The following ALOX5 variants were observed in gnomAD, a reference collection of about 807,000 sequenced individuals.
ALOX5 encodes the protein arachidonate 5-lipoxygenase.
Under a neutral mutation model 87.9 loss-of-function variants are expected in ALOX5, and 64 were observed. The ratio of observed to expected loss-of-function variants is 0.73; its 90% CI spans 0.60 to 0.90. The LOEUF (loss-of-function observed/expected upper bound fraction) is 0.90, where lower values mean the gene tolerates loss of function less well. Ranked by LOEUF, ALOX5 falls within the 40% of genes least tolerant of loss-of-function variation. The probability of loss-of-function intolerance (pLI) is 0.00; values close to 1 mark genes in which losing one functional copy is unlikely to be tolerated. For missense variants in ALOX5, 822 were observed against 907.5 expected, an observed-to-expected ratio of 0.91 and a Z score of 1.21; for synonymous variants, 388 against 355.1, an observed-to-expected ratio of 1.09 and a Z score of -1.04.
At chr10:45,394,161 A>G (rs1441112936) in intron 2 of ALOX5, among the ~76,000 whole-genome samples, 1 of 152,252 alleles carries the variant, frequency 6.6e-6, no homozygotes, top group Non-Finnish European at 1.5e-5. Context: ...ATCCTAAGCC[A>G]AAAGAACAAA....
At chr10:45,443,930 G>A in intron 12 of ALOX5, 102 bp downstream of exon 12, 1 of 1,458,758 alleles carries the variant, frequency 6.9e-7, no homozygotes, top group Admixed American at 2.2e-5. Flanking sequence ...GACAGCCTCG[G>A]GGCCTGGCAC....
At position 45,404,078 on chromosome 10, in the gene ALOX5, A is replaced by G. The variant is rs370542395; in HGVS notation, c.432-8113A>G. Reference sequence around the variant, plus strand: ...ATCTAAGATAACACAAACTAGCCCAATTATCTGGGAGCTACTTAACATTAT... The same window carrying G: ...ATCTAAGATAACACAAACTAGCCCAGTTATCTGGGAGCTACTTAACATTAT... On this transcript the variant is annotated intron_variant, in intron 3 of 13. Transcript: ENST00000374391. Among the ~76,000 whole-genome samples the G allele has an allele frequency of 4.9e-4, 74 of 152,370 alleles. 1 individual carries two copies. Among genetic ancestry groups the G allele is most frequent in the East Asian group, 4.4e-3 (23 of 5,188 alleles).
intron 4 of ALOX5, among the ~76,000 whole-genome samples, chr10:45,420,279 G>A (rs1363014423): frequency 6.6e-6 from 1 of 152,246 alleles, no homozygotes; most frequent in African/African-American, 2.4e-5. Flanking sequence ...AAAATGTAGG[G>A]TGGTATCCCA....
At chr10:45,414,121 C>T (rs1006893734) in intron 4 of ALOX5, among the ~76,000 whole-genome samples, 1 of 152,226 alleles carries the variant, frequency 6.6e-6, no homozygotes, top group Non-Finnish European at 1.5e-5. Flanking sequence ...AAAGAGCCCG[C>T]ATTGCCAAGA....
At position 45,423,383 on chromosome 10, in the gene ALOX5, C is replaced by T. The variant is rs528898214; in HGVS notation, c.555-658C>T. ...CACTCCCACGCTCCTGTCCTGCACT[C>T]TGCAGGGTTATGGAGGAAGCCTGGG... On this transcript the variant is annotated intron_variant, in intron 4 of 13. Transcript: ENST00000374391. Among the ~76,000 whole-genome samples the T allele has an allele frequency of 2.6e-5, 4 of 152,234 alleles. No individual in the cohort carries two copies. In the East Asian group the frequency reaches 5.8e-4, roughly 22 times the overall value.
At chr10:45,428,075 ACC>A (rs1482647212) in intron 6 of ALOX5, among the ~76,000 whole-genome samples, 1 of 141,918 alleles carries the variant, frequency 7.0e-6, no homozygotes, top group Non-Finnish European at 1.5e-5. Context: ...CCTCCTGGAG[ACC>A]CCCCTCAACC....
Position 45,388,885 on chromosome 10 carries a change from A to G in ALOX5, c.349+6204A>G, listed in dbSNP as rs139383871. Among the ~76,000 whole-genome samples, 685 of 152,358 alleles carry G rather than the reference A, an allele frequency of 4.5e-3. 2 individuals are homozygous for G. Among genetic ancestry groups the G allele is most frequent in the African/African-American group, 0.016 (648 of 41,586 alleles). ...GAGAGAAGAAGGCTTCAGATGATCA[A>G]ACTTCTCCCAGCTAAAGAAGGAAGT... On this transcript the variant is annotated intron_variant, in intron 2 of 13. Transcript: ENST00000374391.
At chr10:45,392,858 A>G (rs1361360220) in intron 2 of ALOX5, among the ~76,000 whole-genome samples, 1 of 152,228 alleles carries the variant, frequency 6.6e-6, no homozygotes, top group South Asian at 2.1e-4. Context: ...TCTAGAAAAA[A>G]TGGATAAATT....
At chr10:45,441,545 C>A in intron 9 of ALOX5, 115 bp downstream of exon 9, 1 of 1,038,348 alleles carries the variant, frequency 9.6e-7, no homozygotes, top group Non-Finnish European at 1.4e-6. Context: ...AGGCTGGAGT[C>A]TGCTCAGAGC....
chr10:45,431,199 A>G (rs889178990), intron 7 of ALOX5, among the ~76,000 whole-genome samples: 27 of 152,356 alleles, frequency 1.8e-4, no homozygotes, highest in African/African-American at 6.0e-4. Flanking sequence ...CTTACTTTAT[A>G]TGATAAAGAT....
chr10:45,434,415 T>C (rs1174753413), intron 7 of ALOX5, among the ~76,000 whole-genome samples: 1 of 152,076 alleles, frequency 6.6e-6, no homozygotes, highest in Non-Finnish European at 1.5e-5. Flanking sequence ...GGGAAAAAAA[T>C]TGAAAACAGT....
chr10:45,441,514 T>C, intron 9 of ALOX5, 84 bp downstream of exon 9: 4 of 1,365,362 alleles, frequency 2.9e-6, no homozygotes, highest in South Asian at 1.2e-5. Context: ...AGACACCCTT[T>C]CAGGAGGCCT....
chr10:45,389,330 GA>G (rs1163661292), intron 2 of ALOX5, among the ~76,000 whole-genome samples: 2 of 152,082 alleles, frequency 1.3e-5, no homozygotes, highest in Admixed American at 1.3e-4. Flanking sequence ...TCAAATTCAG[GA>G]AATACAGAGA....
At chr10:45,434,557 G>A (rs1842007537) in intron 7 of ALOX5, among the ~76,000 whole-genome samples, 1 of 152,194 alleles carries the variant, frequency 6.6e-6, no homozygotes, top group Non-Finnish European at 1.5e-5. Flanking sequence ...AGTTAACAGT[G>A]GAAAAACAAG....
rs758369099 is a variant in ALOX5 at position 45,424,064 on chromosome 10, G to A, written c.578G>A (p.Arg193His). The change falls in exon 5 of 14, where the codon CGC becomes CAC. Residue 193 changes from arginine to histidine, a missense_variant. Coordinates refer to ENST00000374391, the MANE Select transcript of ALOX5 (RefSeq NM_000698.5). ...SKAMENLFIN[R>H]FMHMFQSSWN... ...AGGATGGAGAACCTGTTCATCAACC[G>A]CTTCATGCACATGTTCCAGTCTTCT... 7.4e-6 allele frequency: 12 copies of A among 1,614,140 alleles called. No homozygotes were observed. Among genetic ancestry groups the A allele is most frequent in the Admixed American group, 1.7e-5 (1 of 60,030 alleles).
chr10:45,410,312 A>C (rs1841026053), intron 3 of ALOX5, among the ~76,000 whole-genome samples: 1 of 152,228 alleles, frequency 6.6e-6, no homozygotes, highest in South Asian at 2.1e-4. Context: ...AACAAACAAA[A>C]AATGTGTAGA....
intron 8 of ALOX5, among the ~76,000 whole-genome samples, 155 bp downstream of exon 8, chr10:45,440,788 G>A (rs1487608040): frequency 6.6e-6 from 1 of 152,218 alleles, no homozygotes; most frequent in Non-Finnish European, 1.5e-5. Context: ...TGCCCCTAAA[G>A]GAAGAAAACA....
chr10:45,388,387 G>T (rs1357596266), intron 2 of ALOX5, among the ~76,000 whole-genome samples: 1 of 152,242 alleles, frequency 6.6e-6, no homozygotes, highest in Non-Finnish European at 1.5e-5. Context: ...GGGACAGACT[G>T]CCCCCTCAAG....
intron 10 of ALOX5, 79 bp from the exon 11 acceptor site, chr10:45,443,337 G>C (rs1013498719): frequency 3.1e-6 from 5 of 1,587,968 alleles, no homozygotes; most frequent in Admixed American, 3.4e-5. Context: ...GAGTCCCAGC[G>C]TCCGTGAGGG....
Sources: allele counts gnomAD v4.1 joint callset (sites outside exome capture counted in the v4.1 genomes callset), GRCh38; gene constraint gnomAD v4.1.1; transcripts MANE v1.5; gene names NCBI Gene and HGNC (gene_info 2026-07-23, HGNC 2026-07-21).